The following DNM3 variants were observed in gnomAD, a reference collection of about 807,000 sequenced individuals.
DNM3 encodes the protein dynamin 3.
In DNM3, 47 loss-of-function variants were observed where a neutral mutation model predicts 101.6. The ratio of observed to expected loss-of-function variants is 0.46; its 90% CI spans 0.37 to 0.59. DNM3 has a LOEUF of 0.59. DNM3 is among the 20% of genes least tolerant of loss of function. DNM3 has a pLI of 0.00. For missense variants in DNM3, 849 were observed against 1,085.7 expected, an observed-to-expected ratio of 0.78 and a Z score of 3.06; for synonymous variants, 385 against 387.9, an observed-to-expected ratio of 0.99 and a Z score of 0.09.
In DNM3 at chr1:172,047,949, T is replaced by C. The variant is rs562248330; in HGVS notation, c.1197-663T>C. Among the ~76,000 whole-genome samples, 162 of 152,270 alleles carry C rather than the reference T, an allele frequency of 1.1e-3. 1 individual carries two copies. The highest frequency in any genetic ancestry group is 1.7e-3 in the Non-Finnish European group (114 of 68,026). ...TCTCTACTGACCTTTTGTTTAAATT[T>C]GAGTAATCATTTTTCATTTTTTATG... On this transcript the variant is annotated intron_variant, in intron 9 of 20. Coordinates refer to ENST00000627582, the MANE Select transcript of DNM3 (RefSeq NM_015569.5).
intron 11 of DNM3, among the ~76,000 whole-genome samples, chr1:172,077,070 C>T (rs1466485951): frequency 2.6e-5 from 4 of 152,088 alleles, no homozygotes; most frequent in African/African-American, 7.2e-5. Flanking sequence ...AGGAATTTAT[C>T]CATTTTTTCT....
chr1:171,858,937 T>C (rs2033893350), intron 1 of DNM3, among the ~76,000 whole-genome samples: 1 of 152,290 alleles, frequency 6.6e-6, no homozygotes, highest in South Asian at 2.1e-4. Flanking sequence ...ACTATAACAA[T>C]AGACTCATAA....
In DNM3 at chr1:171,881,635, A is replaced by G. The variant is rs370708592; in HGVS notation, c.161+39818A>G. Among the ~76,000 whole-genome samples, 43 of 152,314 alleles carry G rather than the reference A, an allele frequency of 2.8e-4. 2 individuals are homozygous for G. In the East Asian group the frequency reaches 8.1e-3, roughly 29 times the overall value. The stretch of plus-strand genomic sequence containing the variant: ...TCAGGATGAAGGTCATGGGTAAAAT[A>G]TAATTCTGGGCATTCTGCTGAAATG... On this transcript the variant is annotated intron_variant, in intron 1 of 20. Coordinates refer to ENST00000627582, the MANE Select transcript of DNM3 (RefSeq NM_015569.5).
At chr1:172,366,106 C>A (rs971623026) in intron 17 of DNM3, among the ~76,000 whole-genome samples, 1 of 151,830 alleles carries the variant, frequency 6.6e-6, no homozygotes, top group Non-Finnish European at 1.5e-5. Flanking sequence ...TGGTGGCATT[C>A]ACCTGTAACC....
intron 10 of DNM3, among the ~76,000 whole-genome samples, chr1:172,052,536 T>C (rs2050279832): frequency 6.6e-6 from 1 of 152,178 alleles, no homozygotes; most frequent in East Asian, 1.9e-4. Flanking sequence ...TCAACTGAAA[T>C]TTGGATTCTA....
chr1:172,184,760 C>G (rs1310309664), intron 14 of DNM3, among the ~76,000 whole-genome samples: 1 of 152,050 alleles, frequency 6.6e-6, no homozygotes, highest in Non-Finnish European at 1.5e-5. Context: ...ATTCTCATTG[C>G]AGACTTGGGT....
At chr1:172,040,183 C>T (rs1025720940) in intron 7 of DNM3, among the ~76,000 whole-genome samples, 13 of 152,096 alleles carry the variant, frequency 8.5e-5, no homozygotes, top group Admixed American at 2.6e-4. Flanking sequence ...GCTAGAAGTA[C>T]ACTTTCTGAA....
At chr1:172,405,460 A>C (rs2070807641) in intron 20 of DNM3, among the ~76,000 whole-genome samples, 1 of 152,038 alleles carries the variant, frequency 6.6e-6, no homozygotes, top group African/African-American at 2.4e-5. Flanking sequence ...ATAACAGTTA[A>C]GCCAAGAACA....
intron 15 of DNM3, among the ~76,000 whole-genome samples, chr1:172,264,184 A>G (rs1269348134): frequency 6.6e-6 from 1 of 152,258 alleles, no homozygotes; most frequent in Non-Finnish European, 1.5e-5. Context: ...GCCAATAGCA[A>G]GAAATGTTAT....
intron 20 of DNM3, among the ~76,000 whole-genome samples, chr1:172,407,158 A>T (rs2149128425): frequency 6.6e-6 from 1 of 152,032 alleles, no homozygotes; most frequent in South Asian, 2.1e-4. Context: ...TACTAATACC[A>T]ATACTAAAGT....
Position 172,112,578 on chromosome 1 carries a change from C to T in DNM3, c.1546-18597C>T, listed in dbSNP as rs115600232. On this transcript the variant is annotated intron_variant, in intron 13 of 20. Coordinates refer to ENST00000627582, the MANE Select transcript of DNM3 (RefSeq NM_015569.5). ...TTTCCATTTTCCAGTATGTGCCATT[C>T]CTGAAAACATAACCAATTCCTGAAT... Among the ~76,000 whole-genome samples, 306 of 152,272 alleles carry T rather than the reference C, an allele frequency of 2.0e-3. 4 individuals carry two copies. Among genetic ancestry groups the T allele is most frequent in the African/African-American group, 7.0e-3 (291 of 41,564 alleles).
intron 1 of DNM3, among the ~76,000 whole-genome samples, chr1:171,889,425 TA>T (rs1195693988): frequency 1.3e-5 from 2 of 152,256 alleles, no homozygotes; most frequent in African/African-American, 4.8e-5. Context: ...AAAATCAAGG[TA>T]GGGGCATATA....
chr1:172,412,519 T>TTTAA lies in DNM3; in HGVS notation c.*4684_*4687dup. The TTTAA allele has an allele frequency of 1.0e-6, 1 of 985,808 alleles. No homozygotes were observed. The highest frequency in any genetic ancestry group is 1.2e-6 in the Non-Finnish European group (1 of 829,898). 61.1% of individuals were successfully genotyped at this position (985,808 alleles called of 1,614,324 possible). A position where few individuals can be genotyped will look rare whatever the true frequency, so the allele number is the denominator to read the frequency against. The stretch of plus-strand genomic sequence containing the variant: ...AAAATCTTGTCTTCTCTGCTGATTC[T>TTTAA]TTAATTAATATGAGCCGGATACTTT... On this transcript the variant is annotated 3_prime_UTR_variant, in exon 21 of 21. Coordinates refer to ENST00000627582, the MANE Select transcript of DNM3 (RefSeq NM_015569.5).
intron 1 of DNM3, among the ~76,000 whole-genome samples, chr1:171,844,729 G>A (rs1456903868): frequency 6.6e-6 from 1 of 152,106 alleles, no homozygotes; most frequent in South Asian, 2.1e-4. Context: ...GATATATGCT[G>A]GCAATGAGAG....
intron 14 of DNM3, among the ~76,000 whole-genome samples, chr1:172,173,734 G>A (rs903751834): frequency 3.3e-5 from 5 of 151,668 alleles, no homozygotes; most frequent in African/African-American, 4.8e-5. Flanking sequence ...AAGTATTGAA[G>A]TTTAGGGTTA....
At chr1:172,067,886 G>C (rs561836882) in intron 10 of DNM3, among the ~76,000 whole-genome samples, 2 of 152,298 alleles carry the variant, frequency 1.3e-5, no homozygotes, top group South Asian at 4.1e-4. Flanking sequence ...TGTGCTTCAT[G>C]GGATGAATCA....
At chr1:172,289,072 A>G (rs2148812305) in intron 15 of DNM3, among the ~76,000 whole-genome samples, 1 of 152,254 alleles carries the variant, frequency 6.6e-6, no homozygotes, top group East Asian at 1.9e-4. Context: ...TCCTTTTAAT[A>G]CTAGCCCCAG....
At chr1:172,020,126 G>T (rs2047733090) in intron 4 of DNM3, among the ~76,000 whole-genome samples, 1 of 152,092 alleles carries the variant, frequency 6.6e-6, no homozygotes, top group Non-Finnish European at 1.5e-5. Context: ...GTCATGTAGT[G>T]GTAAGATGTG....
rs183602459 is a variant in DNM3, at chr1:172,226,288, A to T, written c.1660-27285A>T. Among the ~76,000 whole-genome samples the T allele has an allele frequency of 4.9e-4, 74 of 152,340 alleles. 1 individual carries two copies. In the East Asian group the frequency reaches 0.01, roughly 21 times the overall value. ...CCCCCTAGCTGTTATGCCAGTCTCC[A>T]AAAGAAACCTGGTATAGACTTCAGA... On this transcript the variant is annotated intron_variant, in intron 14 of 20. Transcript: ENST00000627582.
Sources: allele counts gnomAD v4.1 joint callset (sites outside exome capture counted in the v4.1 genomes callset), GRCh38; gene constraint gnomAD v4.1.1; transcripts MANE v1.5; gene names NCBI Gene and HGNC (gene_info 2026-07-23, HGNC 2026-07-21).